Variants in RHCE observed in about 807,000 individuals in gnomAD.
RHCE encodes Rh blood group CcEe antigens.
RHCE carries 22 observed loss-of-function variants against 43.8 expected under a neutral mutation model. The observed-to-expected ratio is 0.50, with a 90% CI of 0.36 to 0.72. The LOEUF (loss-of-function observed/expected upper bound fraction) is 0.72, where lower values mean the gene tolerates loss of function less well. Among genes scored for constraint, RHCE ranks in the 30% least tolerant of loss-of-function variants. The probability of loss-of-function intolerance (pLI) is 0.00; values close to 1 mark genes in which losing one functional copy is unlikely to be tolerated. For synonymous variants in RHCE, 156 were observed against 210.7 expected (o/e 0.74, Z 2.25); for missense variants, 385 against 525.4 (o/e 0.73, Z 2.61).
chr1:25,405,388 C>T (rs1294169531), intron 2 of RHCE, among the ~76,000 whole-genome samples: 5 of 152,198 alleles, frequency 3.3e-5, no homozygotes, highest in Non-Finnish European at 7.3e-5. Flanking sequence ...CACAGTGGCT[C>T]ACGCCTGTAA....
intron 7 of RHCE, among the ~76,000 whole-genome samples, chr1:25,384,723 A>G (rs1646098827): frequency 6.6e-6 from 1 of 152,156 alleles, no homozygotes; most frequent in Admixed American, 6.5e-5. Context: ...TTTCTCTGAG[A>G]CACGTCCAAA....
At chr1:25,416,004 G>C (rs1647386957) in intron 1 of RHCE, among the ~76,000 whole-genome samples, 1 of 151,400 alleles carries the variant, frequency 6.6e-6, no homozygotes, top group South Asian at 2.1e-4. Context: ...GCAGGTCTGG[G>C]GACCACACTT....
intron 1 of RHCE, among the ~76,000 whole-genome samples, chr1:25,429,620 C>T (rs1195314493): frequency 6.6e-6 from 1 of 152,036 alleles, no homozygotes. Flanking sequence ...AGTATGACTA[C>T]TATTCTAGTA....
At chr1:25,386,973 GT>G in intron 6 of RHCE, among the ~76,000 whole-genome samples, 1 of 152,182 alleles carries the variant, frequency 6.6e-6, no homozygotes, top group Non-Finnish European at 1.5e-5. Flanking sequence ...GGAGGTTGCA[GT>G]GAGCTGAGAT....
At chr1:25,385,552 C>G (rs1646127148) in intron 7 of RHCE, 159 bp downstream of exon 7, 7 of 1,132,400 alleles carry the variant, frequency 6.2e-6, no homozygotes, top group Middle Eastern at 4.3e-4. Flanking sequence ...AAGGTAGGGG[C>G]TGGACATAAT....
rs968863185 is a variant in RHCE at position 25,372,867 on chromosome 1, C to T, written c.1154-2327G>A. On this transcript the variant is annotated intron_variant, in intron 8 of 9. Coordinates refer to ENST00000294413, the MANE Select transcript of RHCE (RefSeq NM_020485.8). ...TTGTCCAGGCTGGAGTGCAGTGGCA[C>T]GATCTCAGCTCACTGCAACTTCTGC... Among the ~76,000 whole-genome samples the T allele has an allele frequency of 3.8e-4, 57 of 151,740 alleles. 1 individual carries two copies. Among genetic ancestry groups the T allele is most frequent in the African/African-American group, 1.1e-3 (47 of 41,120 alleles).
At position 25,362,470 on chromosome 1, in the gene RHCE, A is replaced by G. The variant is rs1645429445; in HGVS notation, c.*57T>C. ...TTTCTCACGTACAAATGCAGGCAAC[A>G]GTGAGAGGAAGTTGTCTTGTTTTTG... On this transcript the variant is annotated 3_prime_UTR_variant, in exon 10 of 10. Transcript: ENST00000294413. 1 of 1,603,968 alleles carries G rather than the reference A, an allele frequency of 6.2e-7. No homozygotes were observed. The highest frequency in any genetic ancestry group is 2.2e-5 in the East Asian group (1 of 44,698).
At chr1:25,396,028 C>G (rs1462355678) in intron 3 of RHCE, among the ~76,000 whole-genome samples, 1 of 151,684 alleles carries the variant, frequency 6.6e-6, no homozygotes, top group African/African-American at 2.4e-5. Flanking sequence ...ACAGTTAACA[C>G]ACCCAGTAAT....
chr1:25,388,911 A>C, intron 6 of RHCE, 65 bp downstream of exon 6: 1 of 1,613,552 alleles, frequency 6.2e-7, no homozygotes, highest in South Asian at 1.1e-5. Context: ...ACAGTGGCCC[A>C]TCAGGTCCCA....
rs545011605 is a variant in RHCE, at chr1:25,386,561, C to T, written c.940-717G>A. On this transcript the variant is annotated intron_variant, in intron 6 of 9. Coordinates refer to ENST00000294413, the MANE Select transcript of RHCE (RefSeq NM_020485.8). ...CCAGGTCGGGCACGGTGGCTCATGC[C>T]TGTAATCCCAGCACTTTGGGAGGCC... 1.1e-4 allele frequency among the ~76,000 whole-genome samples: 16 copies of T among 152,326 alleles called. No homozygotes were observed. The South Asian group carries it at 2.9e-3, about 28-fold the overall frequency.
At chr1:25,429,697 A>G (rs1273646755) in intron 1 of RHCE, among the ~76,000 whole-genome samples, 1 of 149,566 alleles carries the variant, frequency 6.7e-6, no homozygotes, top group Non-Finnish European at 1.5e-5. Context: ...TCCATAGGGG[A>G]AAATTGGAAA....
At chr1:25,423,793 A>G (rs1187997705), upstream of RHCE, among the ~76,000 whole-genome samples, 2 of 152,200 alleles carry the variant, frequency 1.3e-5, no homozygotes, top group Non-Finnish European at 2.9e-5. Flanking sequence ...TGTTGATTCT[A>G]GCTGTGAGAT....
intron 1 of RHCE, among the ~76,000 whole-genome samples, chr1:25,416,819 C>CGGGGG (rs71014361): frequency 3.4e-5 from 4 of 116,782 alleles, no homozygotes; most frequent in African/African-American, 1.2e-4. Context: ...TTAGAGATGG[C>CGGGGG]GGGGGGGGGT....
intron 7 of RHCE, among the ~76,000 whole-genome samples, chr1:25,384,500 G>T (rs1255088128): frequency 1.3e-5 from 2 of 152,104 alleles, no homozygotes; most frequent in East Asian, 1.9e-4. Flanking sequence ...CCAGAGACAG[G>T]AAAGGTTCTG....
chr1:25,370,145 G>T (rs1288258631), intron 9 of RHCE, among the ~76,000 whole-genome samples: 1 of 151,670 alleles, frequency 6.6e-6, no homozygotes. Context: ...GCGGGGTTCT[G>T]TCACCCGCAT....
upstream of RHCE, among the ~76,000 whole-genome samples, chr1:25,424,720 CTCCCCTTTCTGCTCCCCTTG>C (rs1480892156): frequency 6.6e-6 from 1 of 152,060 alleles, no homozygotes; most frequent in Non-Finnish European, 1.5e-5. Flanking sequence ...ACAGCATCAA[CTCCCCTTTCTGCTCCCCTTG>C]ACAAGGGTTC....
At chr1:25,390,391 G>A (rs555719701) in intron 5 of RHCE, among the ~76,000 whole-genome samples, 1 of 152,112 alleles carries the variant, frequency 6.6e-6, no homozygotes, top group East Asian at 1.9e-4. Flanking sequence ...AAATTTGTTG[G>A]GGGGAAGAGA....
chr1:25,395,618 A>C (rs1361566953), intron 3 of RHCE, among the ~76,000 whole-genome samples: 1 of 152,008 alleles, frequency 6.6e-6, no homozygotes, highest in Non-Finnish European at 1.5e-5. Flanking sequence ...AGCTCTGGTG[A>C]CATTTTCTTC....
upstream of RHCE, among the ~76,000 whole-genome samples, chr1:25,421,390 T>A (rs1369625478): frequency 6.6e-6 from 1 of 152,214 alleles, no homozygotes; most frequent in Non-Finnish European, 1.5e-5. Flanking sequence ...GAACTTGTAT[T>A]TAAATCTATG....
Sources: allele counts gnomAD v4.1 joint callset (sites outside exome capture counted in the v4.1 genomes callset), GRCh38; gene constraint gnomAD v4.1.1; transcripts MANE v1.5; gene names NCBI Gene and HGNC (gene_info 2026-07-23, HGNC 2026-07-21).